TANC1: variants seen among roughly 807,000 people sequenced by gnomAD.
The protein encoded by TANC1 is protein TANC1.
Under a neutral mutation model 149.7 loss-of-function variants are expected in TANC1, and 77 were observed. That is an observed-to-expected ratio of 0.51 (90% CI 0.43 to 0.62). The LOEUF is 0.62. TANC1 is among the 20% of genes least tolerant of loss of function. The pLI is 0.00. For synonymous variants in TANC1, 854 were observed against 925.0 expected, an observed-to-expected ratio of 0.92 and a Z score of 1.39; for missense variants, 1,985 against 2,321.8, an observed-to-expected ratio of 0.85 and a Z score of 2.98.
At position 159,082,511 on chromosome 2, in the gene TANC1, C is replaced by T. The variant is rs79269905; in HGVS notation, c.62-15126C>T. ...TGCTCCTTTACACTCTCCTTTTGAC[C>T]TTGGTAAGTGGTGGCATCTAGGATA... On this transcript the variant is annotated intron_variant, in intron 3 of 26. Coordinates refer to ENST00000263635, the MANE Select transcript of TANC1 (RefSeq NM_033394.3). Among the ~76,000 whole-genome samples the T allele has an allele frequency of 2.1e-3, 319 of 152,184 alleles. 2 individuals carry two copies. The highest frequency in any genetic ancestry group is 7.1e-3 in the African/African-American group (295 of 41,526).
chr2:159,000,178 G>T (rs192411303), intron 1 of TANC1, among the ~76,000 whole-genome samples: 128 of 152,272 alleles, frequency 8.4e-4, no homozygotes, highest in African/African-American at 2.9e-3. Flanking sequence ...GAACCGGGTG[G>T]TGTGTGTGGG....
intron 13 of TANC1, among the ~76,000 whole-genome samples, chr2:159,178,171 G>C (rs1162539370): frequency 5.2e-4 from 79 of 152,338 alleles, no homozygotes; most frequent in African/African-American, 1.8e-3. Context: ...TGCAGTGTTG[G>C]TTGGTGTTTG....
intron 5 of TANC1, among the ~76,000 whole-genome samples, chr2:159,146,845 T>C (rs1236089272): frequency 6.6e-6 from 1 of 152,048 alleles, no homozygotes; most frequent in Admixed American, 6.5e-5. Context: ...CCGGCTTAGG[T>C]GTCCCTTTTC....
At chr2:159,218,056 T>C (rs2059458991) in intron 20 of TANC1, among the ~76,000 whole-genome samples, 1 of 148,120 alleles carries the variant, frequency 6.8e-6, no homozygotes, top group Non-Finnish European at 1.5e-5. Context: ...TCAGGCTGGG[T>C]TTTTTGTTTG....
chr2:159,179,021 G>A lies in TANC1; in HGVS notation c.2368G>A (p.Asp790Asn). ...GHIQGEQGWE[D>N]FQQRMDALSC... ...CATCCAGGGGGAGCAGGGATGGGAA[G>A]ACTTTCAGCAGAGGATGGACGCCCT... is the stretch of plus-strand genomic sequence containing the variant. Residue 790 changes from aspartate to asparagine, a missense_variant, in exon 14 of 27, where the codon GAC becomes AAC. By Grantham distance (23) the Asp-to-Asn change is conservative. Around this residue, in one of 3 missense-constraint regions of TANC1, gnomAD observed 508 missense variants for 714.2 expected, o/e 0.71. Coordinates refer to ENST00000263635, the MANE Select transcript of TANC1 (RefSeq NM_033394.3). The A allele has an allele frequency of 6.2e-7, 1 of 1,614,102 alleles. No homozygotes were observed. The highest frequency in any genetic ancestry group is 8.5e-7 in the Non-Finnish European group (1 of 1,180,026).
At chr2:158,998,829 C>T (rs897056785) in intron 1 of TANC1, among the ~76,000 whole-genome samples, 4 of 152,134 alleles carry the variant, frequency 2.6e-5, no homozygotes, top group African/African-American at 9.7e-5. Flanking sequence ...GAGCCAAAGG[C>T]CTGCCTCACC....
At chr2:159,119,919 C>T (rs533496847) in intron 4 of TANC1, among the ~76,000 whole-genome samples, 1 of 152,304 alleles carries the variant, frequency 6.6e-6, no homozygotes, top group Admixed American at 6.5e-5. Flanking sequence ...ATGTGCTTGC[C>T]AGTGTGAGCT....
chr2:159,070,067 C>T (rs1242738894), intron 3 of TANC1, among the ~76,000 whole-genome samples: 1 of 151,992 alleles, frequency 6.6e-6, no homozygotes, highest in Non-Finnish European at 1.5e-5. Context: ...CAAGCGTGAA[C>T]CACTGTGACT....
At chr2:159,228,008 G>A in intron 25 of TANC1, 43 bp downstream of exon 25, 4 of 1,595,638 alleles carry the variant, frequency 2.5e-6, no homozygotes, top group Non-Finnish European at 2.6e-6. Context: ...TCCAGCAACA[G>A]AGCCCTTCTC....
chr2:159,187,609 A>G (rs2057098353), intron 16 of TANC1, among the ~76,000 whole-genome samples: 3 of 152,052 alleles, frequency 2.0e-5, no homozygotes, highest in Admixed American at 6.6e-5. Context: ...GTAGCCTGGG[A>G]ATCTGAAGCA....
chr2:159,163,810 T>A (rs527435843), intron 8 of TANC1, among the ~76,000 whole-genome samples: 1 of 128,622 alleles, frequency 7.8e-6, no homozygotes. Context: ...GAAGAAAGTA[T>A]AAAAACTCTC....
chr2:159,126,164 C>A (rs1261193899), intron 4 of TANC1, among the ~76,000 whole-genome samples: 1 of 152,134 alleles, frequency 6.6e-6, no homozygotes. Flanking sequence ...CCTACATGGT[C>A]GTACCCAGAT....
At chr2:158,997,006 C>G (rs2036195846) in intron 1 of TANC1, among the ~76,000 whole-genome samples, 1 of 151,598 alleles carries the variant, frequency 6.6e-6, no homozygotes, top group South Asian at 2.1e-4. Context: ...AATCTACCTG[C>G]TTTACAGACT....
At chr2:159,108,664 A>G (rs1394696898) in intron 4 of TANC1, among the ~76,000 whole-genome samples, 1 of 152,208 alleles carries the variant, frequency 6.6e-6, no homozygotes, top group Admixed American at 6.5e-5. Context: ...TCGACTCATC[A>G]GGTTTGCTGT....
In TANC1 at chr2:159,079,346, CT is replaced by C. The variant is rs68143585; in HGVS notation, c.61+13396del. On this transcript the variant is annotated intron_variant, in intron 3 of 26. Transcript: ENST00000263635. ...TCACTTGGCTGAAAAGTGTGTGTGT[CT>C]TTTTTTTTTTTTTTTTTTTTGAGTG... Among the ~76,000 whole-genome samples, 332 of 109,870 alleles carry C rather than the reference CT, an allele frequency of 3.0e-3. 1 individual carries two copies. The highest frequency in any genetic ancestry group is 0.013 in the South Asian group (37 of 2,890). 72.1% of individuals were successfully genotyped at this position (109,870 alleles called of 152,430 possible). A position where few individuals can be genotyped will look rare whatever the true frequency, so the allele number is the denominator to read the frequency against.
intron 3 of TANC1, among the ~76,000 whole-genome samples, chr2:159,075,721 A>G (rs1466494840): frequency 1.3e-5 from 2 of 152,072 alleles, no homozygotes; most frequent in Non-Finnish European, 2.9e-5. Flanking sequence ...GTACCAATGT[A>G]CCATGGTTTT....
intron 7 of TANC1, among the ~76,000 whole-genome samples, chr2:159,153,888 A>C (rs2053143445): frequency 6.6e-6 from 1 of 152,178 alleles, no homozygotes; most frequent in Non-Finnish European, 1.5e-5. Flanking sequence ...AGAGTAAAGT[A>C]TTCAAGAGCA....
At chr2:159,167,473 A>G (rs1403031765) in intron 8 of TANC1, among the ~76,000 whole-genome samples, 1 of 152,226 alleles carries the variant, frequency 6.6e-6, no homozygotes, top group African/African-American at 2.4e-5. Flanking sequence ...TCCTTGGATT[A>G]CCGTACATTC....
chr2:158,998,712 C>A lies in TANC1; in HGVS notation c.-125-2368C>A, dbSNP rs146395333. 8.7e-4 allele frequency among the ~76,000 whole-genome samples: 132 copies of A among 152,268 alleles called. 1 individual carries two copies. The highest frequency in any genetic ancestry group is 5.2e-3 in the South Asian group (25 of 4,828). ...AGAAAATAGCAGCTGTTTCCTGGCA[C>A]AAGGGCGGCTTTAAGGATGGCGAGA... On this transcript the variant is annotated intron_variant, in intron 1 of 26. Transcript: ENST00000263635.
Sources: allele counts gnomAD v4.1 joint callset (sites outside exome capture counted in the v4.1 genomes callset), GRCh38; gene constraint gnomAD v4.1.1; regional missense constraint gnomAD v4.1.1; transcripts MANE v1.5; gene names NCBI Gene and HGNC (gene_info 2026-07-23, HGNC 2026-07-21).